The following CNTN5 variants were observed in gnomAD, a reference collection of about 807,000 sequenced individuals.
CNTN5 encodes contactin-5.
CNTN5 carries 77 observed loss-of-function variants against 129.1 expected under a neutral mutation model. The observed-to-expected ratio is 0.60, with a 90% confidence interval of 0.50 to 0.72. The LOEUF (loss-of-function observed/expected upper bound fraction) is 0.72, where lower values mean the gene tolerates loss of function less well. Among genes scored for constraint, CNTN5 ranks in the 30% least tolerant of loss-of-function variants. The probability of loss-of-function intolerance (pLI) is 0.00; values close to 1 mark genes in which losing one functional copy is unlikely to be tolerated. For synonymous variants in CNTN5, 509 were observed against 465.6 expected (o/e 1.09, Z -1.20); for missense variants, 1,478 against 1,328.8 (o/e 1.11, Z -1.75).
chr11:100,275,121 A>C (rs1950481731), intron 18 of CNTN5, among the ~76,000 whole-genome samples: 1 of 152,292 alleles, frequency 6.6e-6, no homozygotes, highest in African/African-American at 2.4e-5. Flanking sequence ...AAATGGCTTA[A>C]ATATGTTGGA....
intron 9 of CNTN5, among the ~76,000 whole-genome samples, chr11:100,008,750 A>G (rs530100366): frequency 6.6e-6 from 1 of 152,224 alleles, no homozygotes; most frequent in East Asian, 1.9e-4. Flanking sequence ...CTAAGACTTA[A>G]CAACCTAACA....
chr11:99,391,016 A>G (rs1435752114), intron 2 of CNTN5, among the ~76,000 whole-genome samples: 1 of 152,048 alleles, frequency 6.6e-6, no homozygotes, highest in Non-Finnish European at 1.5e-5. Flanking sequence ...AAATAACTTC[A>G]CTTTTAAAAG....
Position 100,271,200 on chromosome 11 carries a change from A to T in CNTN5, c.2273A>T (p.Asp758Val). The change falls in exon 18 of 25, where the codon GAT (aspartate) becomes GTT (valine). Residue 758 changes from aspartate to valine, a missense_variant. By Grantham distance (152) the Asp-to-Val change is radical (BLOSUM62 -3). Transcript: ENST00000524871. Reference protein sequence around the residue: ...VVATNPIGTGDPSTPSRMIRT... With the variant: ...VVATNPIGTGVPSTPSRMIRT... ...GCCACCAACCCTATTGGGACAGGAG[A>T]TCCAAGCACCCCATCTCGAATGATC... is the stretch of plus-strand genomic sequence containing the variant. The T allele has an allele frequency of 6.2e-7, 1 of 1,612,332 alleles. No individual in the cohort carries two copies. Among genetic ancestry groups the T allele is most frequent in the South Asian group, 1.1e-5 (1 of 90,830 alleles).
At chr11:99,392,977 A>G (rs1348958524) in intron 2 of CNTN5, among the ~76,000 whole-genome samples, 1 of 151,814 alleles carries the variant, frequency 6.6e-6, no homozygotes, top group Non-Finnish European at 1.5e-5. Flanking sequence ...ATAATGGTAT[A>G]AGGATGAGTA....
intron 3 of CNTN5, among the ~76,000 whole-genome samples, chr11:99,805,855 A>G (rs1946252698): frequency 6.6e-6 from 1 of 152,228 alleles, no homozygotes; most frequent in African/African-American, 2.4e-5. Flanking sequence ...TGTCACCTAA[A>G]AAGCCAGAAT....
intron 6 of CNTN5, among the ~76,000 whole-genome samples, chr11:99,853,095 A>G (rs889525902): frequency 2.0e-5 from 3 of 152,158 alleles, no homozygotes; most frequent in Non-Finnish European, 4.4e-5. Flanking sequence ...GCAGATAGAG[A>G]CTATTCTAAG....
intron 9 of CNTN5, among the ~76,000 whole-genome samples, chr11:100,033,273 G>A (rs970898717): frequency 8.5e-5 from 13 of 152,114 alleles, no homozygotes; most frequent in Non-Finnish European, 1.6e-4. Context: ...TACAATAAGA[G>A]GTGAGAGTGA....
chr11:100,019,957 C>G (rs981430789), intron 9 of CNTN5, among the ~76,000 whole-genome samples: 1 of 151,856 alleles, frequency 6.6e-6, no homozygotes, highest in African/African-American at 2.4e-5. Context: ...TGAGAACTGT[C>G]TATTCAATCC....
chr11:100,057,716 TATTAGA>T (rs1267876532), intron 9 of CNTN5, among the ~76,000 whole-genome samples: 2 of 151,924 alleles, frequency 1.3e-5, no homozygotes, highest in African/African-American at 4.8e-5. Context: ...GCCCAAATCA[TATTAGA>T]ACCCAGGTTT....
chr11:99,471,965 G>T (rs1397681385), intron 2 of CNTN5, among the ~76,000 whole-genome samples: 1 of 151,930 alleles, frequency 6.6e-6, no homozygotes, highest in Non-Finnish European at 1.5e-5. Flanking sequence ...ATGTCACAGG[G>T]ACCAAGATAC....
intron 3 of CNTN5, among the ~76,000 whole-genome samples, chr11:99,663,293 C>A (rs1328245873): frequency 6.6e-6 from 1 of 152,072 alleles, no homozygotes; most frequent in East Asian, 1.9e-4. Flanking sequence ...CATGGTGAAA[C>A]CTTGTCTGTA....
intron 1 of CNTN5, among the ~76,000 whole-genome samples, chr11:99,092,350 T>G (rs1866286656): frequency 6.6e-6 from 1 of 152,098 alleles, no homozygotes; most frequent in Non-Finnish European, 1.5e-5. Context: ...TTGGGTATTC[T>G]GTGTATCTCC....
intron 2 of CNTN5, among the ~76,000 whole-genome samples, chr11:99,342,914 C>A (rs11219477): frequency 0.16 from 24,112 of 151,890 alleles, 1,877 homozygotes; most frequent in Middle Eastern, 0.24. Context: ...TAGAAAATAA[C>A]TTCAATGATG....
chr11:99,991,810 G>A (rs145787314), intron 8 of CNTN5, among the ~76,000 whole-genome samples: 4 of 152,148 alleles, frequency 2.6e-5, no homozygotes, highest in Admixed American at 6.5e-5. Flanking sequence ...AGACTTCCTG[G>A]TCTCTGATTG....
chr11:99,098,927 T>C (rs1866596399), intron 1 of CNTN5, among the ~76,000 whole-genome samples: 1 of 152,126 alleles, frequency 6.6e-6, no homozygotes, highest in Non-Finnish European at 1.5e-5. Context: ...CGCACTGGTA[T>C]CTAAAAGTAG....
intron 2 of CNTN5, among the ~76,000 whole-genome samples, chr11:99,462,329 CTTTCT>C (rs1944732465): frequency 7.4e-6 from 1 of 135,186 alleles, no homozygotes; most frequent in South Asian, 2.5e-4. Context: ...TGTCCTTTTT[CTTTCT>C]TTTTTTTCTT....
At chr11:100,274,867 C>A (rs1015021472) in intron 18 of CNTN5, among the ~76,000 whole-genome samples, 1 of 152,130 alleles carries the variant, frequency 6.6e-6, no homozygotes, top group Non-Finnish European at 1.5e-5. Context: ...ACATTCGACC[C>A]GATACTCCCA....
intron 17 of CNTN5, among the ~76,000 whole-genome samples, chr11:100,268,024 T>C (rs1284923604): frequency 6.6e-6 from 1 of 152,166 alleles, no homozygotes; most frequent in African/African-American, 2.4e-5. Context: ...AAAAACTGGA[T>C]GTAAACAGTA....
chr11:100,297,484 G>A, intron 18 of CNTN5, 141 bp from the exon 19 acceptor site: 1 of 673,652 alleles, frequency 1.5e-6, no homozygotes, highest in Non-Finnish European at 2.7e-6. Context: ...TGAAAGCAGG[G>A]TGTTTCTGTC....
Sources: gnomAD v4.1 joint callset for allele counts (sites outside exome capture counted in the v4.1 genomes callset) on GRCh38, gnomAD v4.1.1 for gene constraint, MANE v1.5 for transcripts, NCBI Gene and HGNC (gene_info 2026-07-23, HGNC 2026-07-21) for gene names.